Variants in LCP2 observed in about 807,000 individuals in gnomAD.
LCP2 encodes lymphocyte cytosolic protein 2, also known as 76 kDa tyrosine phosphoprotein.
LCP2 carries 29 observed loss-of-function variants against 74.5 expected under a neutral mutation model. The ratio of observed to expected loss-of-function variants is 0.39; its 90% CI spans 0.29 to 0.53. The LOEUF (loss-of-function observed/expected upper bound fraction) is 0.53. LCP2 is among the 20% of genes least tolerant of loss of function. The probability of loss-of-function intolerance (pLI) is 0.72; values close to 1 mark genes in which losing one functional copy is unlikely to be tolerated. For missense variants in LCP2, 604 were observed against 634.6 expected (o/e 0.95, Z 0.52); for synonymous variants, 228 against 229.5 (o/e 0.99, Z 0.06).
intron 3 of LCP2, among the ~76,000 whole-genome samples, chr5:170,280,897 G>C (rs960990924): frequency 6.6e-6 from 1 of 152,118 alleles, no homozygotes; most frequent in Admixed American, 6.5e-5. Context: ...CCAGCTACTC[G>C]GGAGGCCGAG....
chr5:170,255,635 T>A (rs1247635923), intron 17 of LCP2, among the ~76,000 whole-genome samples: 1 of 152,252 alleles, frequency 6.6e-6, no homozygotes, highest in Non-Finnish European at 1.5e-5. Context: ...CAAGCATTTT[T>A]AAAGTGCCTA....
In LCP2 at chr5:170,258,528, C is replaced by T. The variant is rs114001485; in HGVS notation, c.970+338G>A. 2.7e-3 allele frequency: 978 copies of T among 357,402 alleles called. 4 individuals are homozygous for T. Among genetic ancestry groups the T allele is most frequent in the East Asian group, 4.0e-3 (90 of 22,768 alleles). The allele number at this position is 357,402 out of a possible 1,614,324, so 22.1% of individuals were successfully genotyped here. A position where few individuals can be genotyped will look rare whatever the true frequency, so the allele number is the denominator to read the frequency against. ...TATGAAAGTCAAAATTTTATGCTAT[C>T]TCATTCATTGGCAGTTACTGATTCT... On this transcript the variant is annotated intron_variant, in intron 15 of 20. Transcript: ENST00000046794.
chr5:170,292,499 T>A (rs1762309647), intron 2 of LCP2, among the ~76,000 whole-genome samples: 1 of 152,186 alleles, frequency 6.6e-6, no homozygotes, highest in Admixed American at 6.5e-5. Context: ...TGAAGTCTCA[T>A]GGTCAAGTTC....
chr5:170,270,463 G>C (rs570965080), intron 7 of LCP2: 975 of 413,664 alleles, frequency 2.4e-3, no homozygotes, highest in Non-Finnish European at 3.5e-3. Flanking sequence ...GGCAAGAATT[G>C]GTTGCAGTCT....
Position 170,250,760 on chromosome 5 carries a change from G to A in LCP2, c.1449C>T (p.Tyr483=). 6.2e-7 allele frequency: 1 copy of A among 1,613,486 alleles called. No homozygotes were observed. Among genetic ancestry groups the A allele is most frequent in the Non-Finnish European group, 8.5e-7 (1 of 1,179,486 alleles). ...TCCCTCGGAGTCCAGTTCCCAACAA[G>A]TAAACTTGACTTTCCTTCTGATAAC... The part of the protein sequence containing the change: ...QIRYQKESQV[Y]LLGTGLRGKE... The change falls in exon 20 of 21, where the codon TAC becomes TAT. Residue 483 remains tyrosine, a synonymous_variant. Transcript: ENST00000046794.
chr5:170,248,709 T>C lies in LCP2; in HGVS notation c.1590A>G (p.Ala530=), dbSNP rs1561964002. The change falls in exon 21 of 21, where the codon GCA becomes GCG. Residue 530 remains alanine, a synonymous_variant. Coordinates refer to ENST00000046794, the MANE Select transcript of LCP2 (RefSeq NM_005565.5). ...CGGCTATAACTTGCTATGGGTACCC[T>C]GCAGCATGCGTTAATGTGCACTGGT... ...SRYQCTLTHA[A]GYP 1.2e-6 allele frequency: 2 copies of C among 1,611,938 alleles called. No individual in the cohort carries two copies. The highest frequency in any genetic ancestry group is 1.1e-5 in the South Asian group (1 of 90,706).
intron 17 of LCP2, among the ~76,000 whole-genome samples, chr5:170,255,828 A>G (rs1191010795): frequency 6.6e-6 from 1 of 152,250 alleles, no homozygotes; most frequent in African/African-American, 2.4e-5. Flanking sequence ...CACAATTCCC[A>G]GGTGATCTAT....
At chr5:170,281,287 C>CT (rs146088091) in intron 3 of LCP2, among the ~76,000 whole-genome samples, 51,682 of 149,060 alleles carry the variant, frequency 0.35, 9,276 homozygotes, top group Middle Eastern at 0.49. Flanking sequence ...GGCCATATTT[C>CT]TTTTTTTTTT....
rs185022964 is a variant in LCP2 at position 170,253,681 on chromosome 5, A to G, written c.1151-468T>C. 5.5e-3 allele frequency among the ~76,000 whole-genome samples: 839 copies of G among 152,348 alleles called. 3 individuals are homozygous for G. Among genetic ancestry groups the G allele is most frequent in the Non-Finnish European group, 1.0e-2 (679 of 68,034 alleles). On this transcript the variant is annotated intron_variant, in intron 17 of 20. Coordinates refer to ENST00000046794, the MANE Select transcript of LCP2 (RefSeq NM_005565.5). The stretch of plus-strand genomic sequence containing the variant: ...GTTCTTAATGTTTCCACAAAAAGAA[A>G]TGTAAGTGACCCAAGAGAAGACAAA...
At chr5:170,266,102 A>G (rs1164326299) in intron 10 of LCP2, among the ~76,000 whole-genome samples, 1 of 152,224 alleles carries the variant, frequency 6.6e-6, no homozygotes, top group Non-Finnish European at 1.5e-5. Flanking sequence ...TATTTGTGGT[A>G]GGTAGAGCAC....
Position 170,256,518 on chromosome 5 carries a change from G to A in LCP2, c.1150+8C>T, listed in dbSNP as rs201673898. The A allele has an allele frequency of 1.8e-4, 286 of 1,610,460 alleles. No individual in the cohort carries two copies. Among genetic ancestry groups the A allele is most frequent in the Admixed American group, 1.1e-3 (63 of 59,996 alleles). ...CTGAAGCACGTCACAAAAGCCCAGAGTACAAACCTTGAGAGAAGTATGGTG... is the reference window on the plus strand; with the variant it reads ...CTGAAGCACGTCACAAAAGCCCAGAATACAAACCTTGAGAGAAGTATGGTG... On this transcript the variant is annotated splice_region_variant and intron_variant, in intron 17 of 20. Coordinates refer to ENST00000046794, the MANE Select transcript of LCP2 (RefSeq NM_005565.5). This position sits in a 1 kb window ranked among gnomAD's most constrained non-coding sequence, Gnocchi z 4.5.
intron 6 of LCP2, among the ~76,000 whole-genome samples, chr5:170,271,344 A>C (rs186137038): frequency 6.6e-6 from 1 of 152,246 alleles, no homozygotes; most frequent in East Asian, 1.9e-4. Context: ...TGTGCTCAAA[A>C]AATGTCCTCT....
At chr5:170,296,725 G>C (rs995829319) in intron 1 of LCP2, among the ~76,000 whole-genome samples, 2 of 152,198 alleles carry the variant, frequency 1.3e-5, no homozygotes, top group African/African-American at 4.8e-5. Flanking sequence ...CAATGACCAA[G>C]CACAGGGATC....
chr5:170,250,653 C>T (rs1264773589), intron 20 of LCP2, 77 bp downstream of exon 20: 2 of 1,174,516 alleles, frequency 1.7e-6, no homozygotes, highest in East Asian at 4.7e-5. Flanking sequence ...CACGGACTCT[C>T]AAAGATCGCT....
intron 3 of LCP2, among the ~76,000 whole-genome samples, chr5:170,287,500 T>C (rs1234772704): frequency 6.6e-6 from 1 of 152,240 alleles, no homozygotes; most frequent in African/African-American, 2.4e-5. Flanking sequence ...CTCGGGATTC[T>C]TCTCAACATA....
intron 14 of LCP2, 170 bp downstream of exon 14, chr5:170,260,937 T>A (rs1332974086): frequency 3.3e-6 from 2 of 609,248 alleles, no homozygotes; most frequent in Non-Finnish European, 3.0e-6. Context: ...CTCCAGACAA[T>A]GACCAAGGCC....
In LCP2 at chr5:170,297,679, A is replaced by G. The variant is rs193083815; in HGVS notation, c.-68T>C. On this transcript the variant is annotated 5_prime_UTR_variant, in exon 1 of 21. Coordinates refer to ENST00000046794, the MANE Select transcript of LCP2 (RefSeq NM_005565.5). ...CTTCACCCATGGGCAGAGAAGCTCA[A>G]ATCCAGAGCTCGGAGGCGTTCTTGG... The G allele has an allele frequency of 2.4e-5, 34 of 1,398,692 alleles. No homozygotes were observed. In the African/African-American group the frequency reaches 3.8e-4, roughly 16 times the overall value. 86.6% of individuals were successfully genotyped at this position (1,398,692 alleles called of 1,614,324 possible).
chr5:170,251,356 CTAGA>C (rs1308771815), intron 19 of LCP2: 6 of 212,156 alleles, frequency 2.8e-5, no homozygotes, highest in Non-Finnish European at 4.9e-5. Context: ...CCTGTGATCT[CTAGA>C]TAGTCTTTCC....
chr5:170,252,659 C>T (rs985177478), intron 18 of LCP2, 148 bp from the exon 19 acceptor site: 3 of 578,060 alleles, frequency 5.2e-6, no homozygotes, highest in African/African-American at 1.9e-5. Context: ...CATTCAGAGT[C>T]ATTTAGCTGG....
Sources: allele counts gnomAD v4.1 joint callset (sites outside exome capture counted in the v4.1 genomes callset), GRCh38; gene constraint gnomAD v4.1.1; non-coding constraint Gnocchi (gnomAD v3.1); transcripts MANE v1.5; gene names NCBI Gene and HGNC (gene_info 2026-07-23, HGNC 2026-07-21).